TMEM38B: variants seen among roughly 807,000 people sequenced by gnomAD.
The protein encoded by TMEM38B is trimeric intracellular cation channel type B.
A neutral mutation model predicts 28.7 loss-of-function variants in TMEM38B; 24 were observed. That is an observed-to-expected ratio of 0.84 (90% CI 0.61 to 1.18). The LOEUF is 1.18. Ranked by LOEUF, TMEM38B falls within the 50% of genes most tolerant of loss-of-function variation. The pLI is 0.00. For missense variants in TMEM38B, 380 were observed against 350.9 expected (o/e 1.08, Z -0.66); for synonymous variants, 131 against 127.7 (o/e 1.03, Z -0.17).
chr9:105,714,967 T>A (rs1836039351), intron 2 of TMEM38B, among the ~76,000 whole-genome samples: 1 of 152,376 alleles, frequency 6.6e-6, no homozygotes, highest in Middle Eastern at 3.4e-3. Flanking sequence ...ATATTTCTAA[T>A]TCAAATTCAG....
At chr9:105,706,208 G>C (rs891881345) in intron 2 of TMEM38B, among the ~76,000 whole-genome samples, 26 of 152,106 alleles carry the variant, frequency 1.7e-4, no homozygotes, top group Non-Finnish European at 1.6e-4. Flanking sequence ...CATGCCAAAG[G>C]CTTTAAGTGT....
chr9:105,736,957 T>C (rs1837006981), intron 4 of TMEM38B, among the ~76,000 whole-genome samples: 1 of 152,178 alleles, frequency 6.6e-6, no homozygotes, highest in Non-Finnish European at 1.5e-5. Flanking sequence ...GGATCCTCAG[T>C]TGCAAGGACT....
chr9:105,701,350 G>A (rs1835455094), intron 1 of TMEM38B: 1 of 152,188 alleles, frequency 6.6e-6, no homozygotes, highest in Non-Finnish European at 1.5e-5. Context: ...TCAGTGTGAT[G>A]TGTGATTTCT....
At chr9:105,751,085 T>A (rs1191909130) in intron 5 of TMEM38B, among the ~76,000 whole-genome samples, 1 of 152,212 alleles carries the variant, frequency 6.6e-6, no homozygotes, top group African/African-American at 2.4e-5. Flanking sequence ...TCTGGTAGGA[T>A]CCAAGATGGC....
chr9:105,744,983 A>G (rs1837337032), intron 4 of TMEM38B, among the ~76,000 whole-genome samples: 1 of 152,106 alleles, frequency 6.6e-6, no homozygotes, highest in African/African-American at 2.4e-5. Context: ...AATCCAGTCT[A>G]TCATTGTTGG....
Position 105,760,005 on chromosome 9 carries a change from A to T in TMEM38B, c.660+11815A>T. 4 of 1,471,464 alleles carry T rather than the reference A, an allele frequency of 2.7e-6. No individual in the cohort carries two copies. The South Asian group carries it at 4.8e-5, about 18-fold the overall frequency. 91.2% of individuals were successfully genotyped at this position (1,471,464 alleles called of 1,614,324 possible). On this transcript the variant is annotated intron_variant, in intron 5 of 5. Transcript: ENST00000374692. ...AGTCTAGTGCTGCAATCAATAAAAGACTCTGCAAAAGTTCAATAGAATTTT... is the reference window on the plus strand; with the variant it reads ...AGTCTAGTGCTGCAATCAATAAAAGTCTCTGCAAAAGTTCAATAGAATTTT...
At chr9:105,719,909 A>G (rs1470252211) in intron 2 of TMEM38B, among the ~76,000 whole-genome samples, 1 of 152,078 alleles carries the variant, frequency 6.6e-6, no homozygotes, top group Non-Finnish European at 1.5e-5. Context: ...TATAATAGAT[A>G]TAAAAATACA....
At chr9:105,743,115 T>C (rs897150942) in intron 4 of TMEM38B, among the ~76,000 whole-genome samples, 1 of 152,152 alleles carries the variant, frequency 6.6e-6, no homozygotes, top group Non-Finnish European at 1.5e-5. Context: ...AAATAAAACA[T>C]GACTGTTACC....
chr9:105,705,765 G>C lies in TMEM38B; in HGVS notation c.269+12G>C. On this transcript the variant is annotated intron_variant, in intron 2 of 5. Coordinates refer to ENST00000374692, the MANE Select transcript of TMEM38B (RefSeq NM_018112.3). ...GCATCTTCAATCTGGTAAGCTGCCAGTATGGTGACCTATGTGACATTTAAA... is the reference window on the plus strand; with the variant it reads ...GCATCTTCAATCTGGTAAGCTGCCACTATGGTGACCTATGTGACATTTAAA... 6.2e-7 allele frequency: 1 copy of C among 1,609,760 alleles called. No individual in the cohort carries two copies. Among genetic ancestry groups the C allele is most frequent in the East Asian group, 2.2e-5 (1 of 44,834 alleles).
At position 105,717,958 on chromosome 9, in the gene TMEM38B, G is replaced by A. The variant is rs1018871739; in HGVS notation, c.270-3579G>A. Among the ~76,000 whole-genome samples the A allele has an allele frequency of 4.6e-5, 7 of 152,192 alleles. No individual in the cohort carries two copies. In the East Asian group the frequency reaches 7.7e-4, roughly 17 times the overall value. ...CGTAGGTATTATTTTATTCAATTAC[G>A]TGTTAAAAAGCATGTAATTGAGGCA... is the stretch of plus-strand genomic sequence containing the variant. On this transcript the variant is annotated intron_variant, in intron 2 of 5. Transcript: ENST00000374692.
chr9:105,741,011 G>T (rs1421801459), intron 4 of TMEM38B, among the ~76,000 whole-genome samples: 1 of 152,110 alleles, frequency 6.6e-6, no homozygotes, highest in African/African-American at 2.4e-5. Flanking sequence ...TAAAAATCTT[G>T]AGATGAAGAG....
At chr9:105,717,870 T>C (rs1836167375) in intron 2 of TMEM38B, among the ~76,000 whole-genome samples, 1 of 152,236 alleles carries the variant, frequency 6.6e-6, no homozygotes, top group Non-Finnish European at 1.5e-5. Context: ...GCATTTACTG[T>C]GTCCCAGTTT....
chr9:105,735,059 A>G lies in TMEM38B; in HGVS notation c.542+12438A>G, dbSNP rs113026139. ...TTTCATTTTTCTCTCTAATTTGCAT[A>G]TTTACTGTATTTTTTGTGTGGTTAC... On this transcript the variant is annotated intron_variant, in intron 4 of 5. Coordinates refer to ENST00000374692, the MANE Select transcript of TMEM38B (RefSeq NM_018112.3). 2.4e-3 allele frequency among the ~76,000 whole-genome samples: 357 copies of G among 151,830 alleles called. 3 individuals carry two copies. Among genetic ancestry groups the G allele is most frequent in the Middle Eastern group, 0.014 (4 of 294 alleles).
intron 5 of TMEM38B, among the ~76,000 whole-genome samples, chr9:105,770,167 G>T (rs1200982033): frequency 1.3e-5 from 2 of 152,074 alleles, no homozygotes; most frequent in African/African-American, 4.8e-5. Context: ...GTTCTTAGGT[G>T]CTTTTGGGGA....
At chr9:105,705,860 G>T in intron 2 of TMEM38B, 107 bp downstream of exon 2, 49 of 1,102,012 alleles carry the variant, frequency 4.4e-5, no homozygotes, top group Non-Finnish European at 5.8e-5. Flanking sequence ...TGCTTGAAAA[G>T]TTAATGCATC....
intron 5 of TMEM38B, among the ~76,000 whole-genome samples, chr9:105,755,797 A>T (rs1366436007): frequency 6.6e-6 from 1 of 152,192 alleles, no homozygotes; most frequent in East Asian, 1.9e-4. Context: ...CTTTGATTTT[A>T]TACTAAATAC....
chr9:105,747,683 A>G (rs1047878197), intron 4 of TMEM38B, among the ~76,000 whole-genome samples: 3 of 152,046 alleles, frequency 2.0e-5, no homozygotes, highest in African/African-American at 4.8e-5. Flanking sequence ...TGTCAATTTT[A>G]GATCTTTCCT....
At chr9:105,731,044 T>A (rs1359538504) in intron 4 of TMEM38B, among the ~76,000 whole-genome samples, 1 of 152,074 alleles carries the variant, frequency 6.6e-6, no homozygotes, top group Non-Finnish European at 1.5e-5. Context: ...TTTTGAAGGG[T>A]TTTTTGTGTC....
At chr9:105,715,649 ATC>A (rs1836072673) in intron 2 of TMEM38B, among the ~76,000 whole-genome samples, 1 of 151,566 alleles carries the variant, frequency 6.6e-6, no homozygotes, top group Non-Finnish European at 1.5e-5. Context: ...TGAAGACACT[ATC>A]TGTTATGTTT....
Sources: gnomAD v4.1 joint callset for allele counts (sites outside exome capture counted in the v4.1 genomes callset) on GRCh38, gnomAD v4.1.1 for gene constraint, MANE v1.5 for transcripts, NCBI Gene and HGNC (gene_info 2026-07-23, HGNC 2026-07-21) for gene names.